The following RAB44 variants were observed in gnomAD, a reference collection of about 807,000 sequenced individuals.
The protein encoded by RAB44 is RAB44, member RAS oncogene family.
Under a neutral mutation model 93.3 loss-of-function variants are expected in RAB44, and 67 were observed. That is an observed-to-expected ratio of 0.72 (90% CI 0.59 to 0.88). RAB44 has a LOEUF of 0.88. Among genes scored for constraint, RAB44 ranks in the 40% least tolerant of loss-of-function variants. The pLI is 0.00. For missense variants in RAB44, 1,064 were observed against 1,261.7 expected (o/e 0.84, Z 2.37); for synonymous variants, 427 against 520.3 (o/e 0.82, Z 2.44).
rs1762891409 is a variant in RAB44 at position 36,715,465 on chromosome 6, C to T, written c.320-14C>T. ...ACACCACTGTGCTCCCCTCTGTCCA[C>T]TTCTGTCCCACAGAAAACATCTTTG... On this transcript the variant is annotated splice_polypyrimidine_tract_variant and intron_variant, in intron 3 of 13. Coordinates refer to ENST00000612677, the MANE Select transcript of RAB44 (RefSeq NM_001257357.2). The T allele has an allele frequency of 6.5e-7, 1 of 1,535,884 alleles. No homozygotes were observed. Among genetic ancestry groups the T allele is most frequent in the Non-Finnish European group, 8.7e-7 (1 of 1,146,860 alleles).
chr6:36,732,130 G>A lies in RAB44; in HGVS notation c.*37G>A. On this transcript the variant is annotated 3_prime_UTR_variant, in exon 14 of 14. Coordinates refer to ENST00000612677, the MANE Select transcript of RAB44 (RefSeq NM_001257357.2). ...GTCCTGGGTAGGATGGACACCCATGGGGTTTCCTGTCCCTCAGCTCCTGTC... is the reference window on the plus strand; with the variant it reads ...GTCCTGGGTAGGATGGACACCCATGAGGTTTCCTGTCCCTCAGCTCCTGTC... 1 of 1,198,596 alleles carries A rather than the reference G, an allele frequency of 8.3e-7. No individual in the cohort carries two copies. Among genetic ancestry groups the A allele is most frequent in the South Asian group, 4.2e-5 (1 of 23,684 alleles). The allele number at this position is 1,198,596 out of a possible 1,614,324, so 74.2% of individuals were successfully genotyped here. A position where few individuals can be genotyped will look rare whatever the true frequency, so the allele number is the denominator to read the frequency against.
intron 2 of RAB44, among the ~76,000 whole-genome samples, chr6:36,711,901 T>C (rs1281521634): frequency 3.8e-5 from 5 of 131,586 alleles, no homozygotes; most frequent in Admixed American, 2.3e-4. Context: ...AGACTCCATC[T>C]CAAAAAAAAA....
intron 12 of RAB44, among the ~76,000 whole-genome samples, chr6:36,729,913 C>A (rs907395773): frequency 1.3e-5 from 2 of 152,148 alleles, no homozygotes; most frequent in African/African-American, 4.8e-5. Context: ...AACGTACAAT[C>A]GAACAGGTTT....
Position 36,722,211 on chromosome 6 carries a change from C to T in RAB44, c.2077C>T (p.Gln693Ter). ...GRGGQDLSSE[Q>*]SEQSVEAHGL... ...AGGTGGGCAGGACCTCAGTTCAGAG[C>T]AGTCAGAGCAGTCGGTTGAGGCTCA... The change falls in exon 9 of 14, where the codon CAG (glutamine) becomes TAG (stop). Residue 693 changes from glutamine (Q) to a stop codon, truncating the protein, a stop_gained. Coordinates refer to ENST00000612677, the MANE Select transcript of RAB44 (RefSeq NM_001257357.2). LOFTEE classifies it high-confidence loss of function. 8.0e-7 allele frequency: 1 copy of T among 1,247,874 alleles called. No homozygotes were observed. Among genetic ancestry groups the T allele is most frequent in the Non-Finnish European group, 1.0e-6 (1 of 996,174 alleles). 77.3% of individuals were successfully genotyped at this position (1,247,874 alleles called of 1,614,324 possible). A position where few individuals can be genotyped will look rare whatever the true frequency, so the allele number is the denominator to read the frequency against.
Position 36,722,432 on chromosome 6 carries a change from C to T in RAB44, c.2298C>T (p.Pro766=). 4.9e-6 allele frequency: 7 copies of T among 1,434,520 alleles called. No individual in the cohort carries two copies. The highest frequency in any genetic ancestry group is 6.4e-6 in the Non-Finnish European group (7 of 1,098,158). The allele number at this position is 1,434,520 out of a possible 1,614,324, so 88.9% of individuals were successfully genotyped here. ...CCCAGGAACCCACGCAAACCCCTCC[C>T]ACCATGGCTGAGCAGGAAGCCCAAC... is the stretch of plus-strand genomic sequence containing the variant. ...AGPQEPTQTP[P]TMAEQEAQPR... is the part of the protein sequence containing the mutation. The change falls in exon 9 of 14, where the codon CCC becomes CCT. Residue 766 remains proline, a synonymous_variant. Transcript: ENST00000612677.
In RAB44 at chr6:36,717,079, G is replaced by A. The variant is rs900070150; in HGVS notation, c.495-194G>A. Among the ~76,000 whole-genome samples the A allele has an allele frequency of 2.0e-5, 3 of 152,208 alleles. No individual in the cohort carries two copies. The highest frequency in any genetic ancestry group is 2.9e-5 in the Non-Finnish European group (2 of 68,042). On this transcript the variant is annotated intron_variant, in intron 4 of 13. Transcript: ENST00000612677. The surrounding 1 kb of genome is among the most constrained non-coding windows in gnomAD (Gnocchi z 4.1). ...ACAGTGTGGCGGGGGTTCGAGAAGG[G>A]AGAGGGCACATCTGGGAATGGTTCC...
chr6:36,708,005 A>T (rs1019058792), intron 2 of RAB44, among the ~76,000 whole-genome samples: 3 of 152,146 alleles, frequency 2.0e-5, no homozygotes, highest in Non-Finnish European at 2.9e-5. Context: ...GAGCCCAGAA[A>T]TTCAAGACCA....
At chr6:36,730,140 T>C (rs1763326870) in intron 12 of RAB44, among the ~76,000 whole-genome samples, 1 of 152,196 alleles carries the variant, frequency 6.6e-6, no homozygotes, top group Non-Finnish European at 1.5e-5. Context: ...ATGAAATTGC[T>C]GATATTTGAC....
chr6:36,712,336 A>T (rs1459014718), intron 2 of RAB44, among the ~76,000 whole-genome samples: 1 of 152,150 alleles, frequency 6.6e-6, no homozygotes, highest in Non-Finnish European at 1.5e-5. Flanking sequence ...GATCTCAAAG[A>T]GCTGTTCTCC....
chr6:36,727,616 C>A lies in RAB44; in HGVS notation c.2721C>A (p.Asp907Glu). The change falls in exon 11 of 14, where the codon GAC (aspartate) becomes GAA (glutamate). Residue 907 changes from aspartate (D) to glutamate (E), a missense_variant. Coordinates refer to ENST00000612677, the MANE Select transcript of RAB44 (RefSeq NM_001257357.2). ...SMTRQLLRKADGVVLMYDITS... is the reference protein window; with the variant it reads ...SMTRQLLRKAEGVVLMYDITS... ...CGCGACAGCTGCTCCGCAAGGCTGA[C>A]GGGGTGGTGCTCATGTACGACATCA... is the stretch of plus-strand genomic sequence containing the variant. The A allele has an allele frequency of 6.4e-7, 1 of 1,550,600 alleles. No individual in the cohort carries two copies. The highest frequency in any genetic ancestry group is 1.2e-5 in the South Asian group (1 of 84,060).
intron 9 of RAB44, among the ~76,000 whole-genome samples, chr6:36,724,191 G>A (rs948782819): frequency 6.9e-6 from 1 of 145,702 alleles, no homozygotes; most frequent in African/African-American, 2.6e-5. Flanking sequence ...TTTTTGAGAT[G>A]GAGTCTCGCC....
chr6:36,715,699 T>C (rs1762902108), intron 4 of RAB44, 46 bp downstream of exon 4: 1 of 1,524,184 alleles, frequency 6.6e-7, no homozygotes, highest in African/African-American at 1.4e-5. Flanking sequence ...CTGCCAGCCA[T>C]TGACGGCAGG....
Position 36,709,241 on chromosome 6 carries a change from G to A in RAB44, c.208-4587G>A, listed in dbSNP as rs1176004078. Among the ~76,000 whole-genome samples, 9 of 152,050 alleles carry A rather than the reference G, an allele frequency of 5.9e-5. No individual in the cohort carries two copies. In the South Asian group the frequency reaches 1.9e-3, roughly 32 times the overall value. ...GCTGGGATTACAGGCATGAGCCACT[G>A]TGCCAAGCCTATTTATCATCAATTT... On this transcript the variant is annotated intron_variant, in intron 2 of 13. Coordinates refer to ENST00000612677, the MANE Select transcript of RAB44 (RefSeq NM_001257357.2).
Position 36,718,571 on chromosome 6 carries a change from G to C in RAB44, c.811G>C (p.Ala271Pro). The change falls in exon 7 of 14, where the codon GCT becomes CCT. Residue 271 changes from alanine to proline, a missense_variant. Physicochemically the swap from Ala to Pro is conservative, Grantham distance 27. Transcript: ENST00000612677. ...EAKEREVQRL[A>P]EGQRELEAQL... ...CAAGGAGCGCGAGGTGCAGCGACTA[G>C]CTGAGGGCCAGAGGGAGGTGAGTAA... The C allele has an allele frequency of 8.1e-7, 1 of 1,234,178 alleles. No homozygotes were observed. Among genetic ancestry groups the C allele is most frequent in the Non-Finnish European group, 1.0e-6 (1 of 988,028 alleles). 76.5% of individuals were successfully genotyped at this position (1,234,178 alleles called of 1,614,324 possible).
At chr6:36,701,977 G>A (rs1296421823) in intron 1 of RAB44, among the ~76,000 whole-genome samples, 1 of 152,112 alleles carries the variant, frequency 6.6e-6, no homozygotes, top group South Asian at 2.1e-4. Flanking sequence ...GCTTAGCACT[G>A]TACCGGCATT....
intron 9 of RAB44, among the ~76,000 whole-genome samples, chr6:36,725,257 C>A (rs757480671): frequency 7.2e-5 from 11 of 152,146 alleles, no homozygotes; most frequent in Non-Finnish European, 1.6e-4. Flanking sequence ...CTCATTGTAA[C>A]CTCCGCCTCC....
chr6:36,707,424 G>C (rs2150326862), intron 2 of RAB44, among the ~76,000 whole-genome samples: 1 of 151,116 alleles, frequency 6.6e-6, no homozygotes, highest in South Asian at 2.1e-4. Context: ...GACCAGGAAA[G>C]AGCTTCCTTA....
intron 2 of RAB44, among the ~76,000 whole-genome samples, chr6:36,710,922 A>G (rs1438565731): frequency 6.6e-6 from 1 of 152,152 alleles, no homozygotes; most frequent in East Asian, 1.9e-4. Context: ...CCTCGCCCAG[A>G]CTGCACAACT....
In RAB44 at chr6:36,704,409, G is replaced by A. The variant is rs1363635976; in HGVS notation, c.174G>A (p.Lys58=). ...LQAFFQDCGA[K]ERGFVTREDL... is the part of the protein sequence containing the mutation. Reference sequence around the variant, plus strand: ...CCTTCTTCCAGGACTGTGGTGCCAAGGAGAGGGGCTTTGTCACCCGCGAGG... The same window carrying A: ...CCTTCTTCCAGGACTGTGGTGCCAAAGAGAGGGGCTTTGTCACCCGCGAGG... Residue 58 remains lysine (K), a synonymous_variant, in exon 2 of 14, where the codon AAG becomes AAA. Coordinates refer to ENST00000612677, the MANE Select transcript of RAB44 (RefSeq NM_001257357.2). 1 of 1,536,020 alleles carries A rather than the reference G, an allele frequency of 6.5e-7. No individual in the cohort carries two copies. The highest frequency in any genetic ancestry group is 2.0e-5 in the Admixed American group (1 of 51,004).
Sources: gnomAD v4.1 joint callset for allele counts (sites outside exome capture counted in the v4.1 genomes callset) on GRCh38, gnomAD v4.1.1 for gene constraint, Gnocchi (gnomAD v3.1) non-coding constraint, MANE v1.5 for transcripts, NCBI Gene and HGNC (gene_info 2026-07-23, HGNC 2026-07-21) for gene names.